The following GPC6 variants were observed in gnomAD, a reference collection of about 807,000 sequenced individuals.
GPC6 encodes glypican 6, also known as glypican-6.
A neutral mutation model predicts 55.2 loss-of-function variants in GPC6; 14 were observed. That is an observed-to-expected ratio of 0.25 (90% CI 0.17 to 0.40). The LOEUF (loss-of-function observed/expected upper bound fraction) is 0.40, where lower values mean the gene tolerates loss of function less well. GPC6 is among the 10% of genes least tolerant of loss of function. GPC6 has a pLI of 1.00. For synonymous variants in GPC6, 278 were observed against 259.6 expected (o/e 1.07, Z -0.68); for missense variants, 641 against 708.5 (o/e 0.90, Z 1.08).
At chr13:93,782,836 A>G (rs1885698817) in intron 2 of GPC6, among the ~76,000 whole-genome samples, 1 of 151,988 alleles carries the variant, frequency 6.6e-6, no homozygotes, top group Non-Finnish European at 1.5e-5. Flanking sequence ...TCTGGGTAAT[A>G]TTTATTTATT....
intron 5 of GPC6, among the ~76,000 whole-genome samples, chr13:94,297,880 A>C (rs990249751): frequency 6.6e-6 from 1 of 152,154 alleles, no homozygotes; most frequent in African/African-American, 2.4e-5. Context: ...ATCAATCTTT[A>C]AGGAAAGAAA....
intron 3 of GPC6, among the ~76,000 whole-genome samples, chr13:93,884,678 C>A (rs1566585682): frequency 6.6e-6 from 1 of 152,048 alleles, no homozygotes; most frequent in East Asian, 1.9e-4. Flanking sequence ...ATATCATTTA[C>A]AAATATAGCT....
intron 4 of GPC6, among the ~76,000 whole-genome samples, chr13:94,222,334 A>G (rs1481278504): frequency 6.6e-6 from 1 of 152,140 alleles, no homozygotes; most frequent in Non-Finnish European, 1.5e-5. Context: ...ATATTTGGAG[A>G]GAAGTCCCAG....
At chr13:93,999,053 A>T (rs1881681603) in intron 3 of GPC6, among the ~76,000 whole-genome samples, 1 of 152,106 alleles carries the variant, frequency 6.6e-6, no homozygotes, top group African/African-American at 2.4e-5. Context: ...ATTATAGTTT[A>T]AGTTCTGGGG....
At position 94,178,025 on chromosome 13, in the gene GPC6, A is replaced by ATTTTTTTTTTTTT. The variant is rs767978319; in HGVS notation, c.878-108313_878-108312insTTTTTTTTTTTTT. 3.8e-5 allele frequency among the ~76,000 whole-genome samples: 5 copies of ATTTTTTTTTTTTT among 132,990 alleles called. 1 individual carries two copies. The highest frequency in any genetic ancestry group is 4.2e-4 in the East Asian group (2 of 4,794). 87.2% of individuals were successfully genotyped at this position (132,990 alleles called of 152,430 possible). A position where few individuals can be genotyped will look rare whatever the true frequency, so the allele number is the denominator to read the frequency against. ...ATCATTCTTTTTCAGTGGCCTTTTA[A>ATTTTTTTTTTTTT]TTTTTTTTTTTGAGATGGAGTCTCA... On this transcript the variant is annotated intron_variant, in intron 4 of 8. Transcript: ENST00000377047.
chr13:93,842,619 A>G (rs1318226536), intron 3 of GPC6, among the ~76,000 whole-genome samples: 1 of 152,054 alleles, frequency 6.6e-6, no homozygotes, highest in African/African-American at 2.4e-5. Context: ...TTGGGTTGTG[A>G]TTTTGCAGTA....
intron 2 of GPC6, among the ~76,000 whole-genome samples, chr13:93,685,212 C>A (rs1882003864): frequency 6.6e-6 from 1 of 152,156 alleles, no homozygotes; most frequent in African/African-American, 2.4e-5. Context: ...GGCCTCAAGG[C>A]AGACCAGTGC....
At chr13:94,241,623 G>A (rs1023988908) in intron 4 of GPC6, among the ~76,000 whole-genome samples, 5 of 152,154 alleles carry the variant, frequency 3.3e-5, no homozygotes. Flanking sequence ...AAGATGGCCA[G>A]AGACTGGTTG....
At chr13:93,591,222 G>A (rs967972178) in intron 2 of GPC6, among the ~76,000 whole-genome samples, 1 of 150,996 alleles carries the variant, frequency 6.6e-6, no homozygotes, top group East Asian at 1.9e-4. Context: ...CCAGCACTTC[G>A]GGAGGCCGAG....
At chr13:93,571,816 G>A (rs1425944295) in intron 2 of GPC6, among the ~76,000 whole-genome samples, 1 of 152,082 alleles carries the variant, frequency 6.6e-6, no homozygotes, top group Non-Finnish European at 1.5e-5. Flanking sequence ...CAGAGGTTTT[G>A]GATGACTAGA....
intron 1 of GPC6, among the ~76,000 whole-genome samples, chr13:93,366,028 A>C (rs538493284): frequency 3.9e-5 from 6 of 152,240 alleles, no homozygotes; most frequent in African/African-American, 1.4e-4. Flanking sequence ...GCATCAAAAC[A>C]ATCCAAGTAG....
intron 3 of GPC6, among the ~76,000 whole-genome samples, chr13:93,993,246 T>A (rs1258032164): frequency 6.6e-6 from 1 of 152,118 alleles, no homozygotes; most frequent in East Asian, 1.9e-4. Context: ...GTCGTATCTA[T>A]TTTTTAAAGT....
At chr13:93,412,206 A>T (rs1470403243) in intron 1 of GPC6, among the ~76,000 whole-genome samples, 5 of 152,078 alleles carry the variant, frequency 3.3e-5, no homozygotes, top group African/African-American at 1.2e-4. Context: ...GCTTTATTGT[A>T]CATATAATGC....
intron 6 of GPC6, among the ~76,000 whole-genome samples, chr13:94,329,029 C>T (rs974845777): frequency 5.4e-4 from 82 of 151,852 alleles, no homozygotes; most frequent in African/African-American, 1.8e-3. Flanking sequence ...GGAAGAACCC[C>T]GGGGGGGGCT....
At position 93,658,279 on chromosome 13, in the gene GPC6, A is replaced by G. The variant is rs866560303; in HGVS notation, c.319+112858A>G. On this transcript the variant is annotated intron_variant, in intron 2 of 8. Coordinates refer to ENST00000377047, the MANE Select transcript of GPC6 (RefSeq NM_005708.5). ...CAATTCATTGTTTTTGCCTATTCATATAACTGATACTTTGGATTCTTTTAT... is the reference window on the plus strand; with the variant it reads ...CAATTCATTGTTTTTGCCTATTCATGTAACTGATACTTTGGATTCTTTTAT... Among the ~76,000 whole-genome samples the G allele has an allele frequency of 2.6e-5, 4 of 152,032 alleles. No homozygotes were observed. The East Asian group carries it at 5.8e-4, about 22-fold the overall frequency.
intron 4 of GPC6, among the ~76,000 whole-genome samples, chr13:94,279,946 A>G (rs1331681218): frequency 1.3e-5 from 2 of 152,216 alleles, no homozygotes; most frequent in African/African-American, 4.8e-5. Flanking sequence ...AGTTCTGTAG[A>G]TGTCTATTAG....
intron 2 of GPC6, among the ~76,000 whole-genome samples, chr13:93,556,755 G>A (rs1054758462): frequency 4.0e-5 from 6 of 151,836 alleles, no homozygotes; most frequent in Non-Finnish European, 8.8e-5. Flanking sequence ...GTGTCCATGA[G>A]TTCAATTGTA....
At chr13:93,339,564 CA>C (rs1880166526) in intron 1 of GPC6, among the ~76,000 whole-genome samples, 1 of 150,830 alleles carries the variant, frequency 6.6e-6, no homozygotes, top group South Asian at 2.1e-4. Context: ...CATGAGCCCC[CA>C]GGTCTACACT....
chr13:93,551,309 A>T (rs1310258635), intron 2 of GPC6, among the ~76,000 whole-genome samples: 4 of 3,408 alleles, frequency 1.2e-3, no homozygotes, highest in Non-Finnish European at 4.2e-3. Context: ...GTTTTCTAAC[A>T]AAAAAAAAAA....
Sources: allele counts gnomAD v4.1 joint callset (sites outside exome capture counted in the v4.1 genomes callset), GRCh38; gene constraint gnomAD v4.1.1; transcripts MANE v1.5; gene names NCBI Gene and HGNC (gene_info 2026-07-23, HGNC 2026-07-21).